The following SLC8A1 variants were observed in gnomAD, a reference collection of about 807,000 sequenced individuals.
SLC8A1 encodes the protein sodium/calcium exchanger 1.
SLC8A1 carries 18 observed loss-of-function variants against 68.3 expected under a neutral mutation model. The ratio of observed to expected loss-of-function variants is 0.26; its 90% CI spans 0.18 to 0.39. The LOEUF (loss-of-function observed/expected upper bound fraction) is 0.39, where lower values mean the gene tolerates loss of function less well. Ranked by LOEUF, SLC8A1 falls within the 10% of genes least tolerant of loss-of-function variation. The probability of loss-of-function intolerance (pLI) is 1.00; values close to 1 mark genes in which losing one functional copy is unlikely to be tolerated. For missense variants in SLC8A1, 985 were observed against 1,156.7 expected, an observed-to-expected ratio of 0.85 and a Z score of 2.15; for synonymous variants, 475 against 415.5, an observed-to-expected ratio of 1.14 and a Z score of -1.74.
chr2:40,232,988 C>G (rs969585404), intron 2 of SLC8A1, among the ~76,000 whole-genome samples: 14 of 151,764 alleles, frequency 9.2e-5, no homozygotes, highest in African/African-American at 2.7e-4. Flanking sequence ...TTTCTTAATC[C>G]AGTCTATCAT....
chr2:40,395,210 T>C (rs1686532491), intron 2 of SLC8A1, among the ~76,000 whole-genome samples: 1 of 152,074 alleles, frequency 6.6e-6, no homozygotes, highest in East Asian at 1.9e-4. Context: ...AGTAGAGAAA[T>C]CCTACTGAAG....
At chr2:40,358,195 A>G (rs1032239205) in intron 2 of SLC8A1, among the ~76,000 whole-genome samples, 1 of 152,048 alleles carries the variant, frequency 6.6e-6, no homozygotes, top group Non-Finnish European at 1.5e-5. Flanking sequence ...TTCAAGAAAA[A>G]AATTCAGTAG....
intron 2 of SLC8A1, chr2:40,251,192 A>G (rs958652960): frequency 1.3e-5 from 2 of 152,162 alleles, no homozygotes; most frequent in Admixed American, 1.3e-4. Context: ...AAATCAATAG[A>G]AATAATTCAG....
chr2:40,241,955 A>G (rs10180584), intron 2 of SLC8A1, among the ~76,000 whole-genome samples: 90,005 of 151,982 alleles, frequency 0.59, 29,810 homozygotes, highest in Non-Finnish European at 0.76. Flanking sequence ...TTAATTATTC[A>G]TAATTCCTAA....
intron 6 of SLC8A1, among the ~76,000 whole-genome samples, chr2:40,141,655 C>A (rs1230914149): frequency 6.6e-6 from 1 of 152,146 alleles, no homozygotes; most frequent in Non-Finnish European, 1.5e-5. Flanking sequence ...GCAGAAGATA[C>A]TTTTTAATAA....
intron 2 of SLC8A1, among the ~76,000 whole-genome samples, chr2:40,369,322 G>A (rs983830803): frequency 6.6e-6 from 1 of 152,042 alleles, no homozygotes; most frequent in Non-Finnish European, 1.5e-5. Flanking sequence ...GTCATCATCT[G>A]AGCTGGTTGT....
At chr2:40,261,355 A>G (rs2064675448) in intron 2 of SLC8A1, among the ~76,000 whole-genome samples, 2 of 152,164 alleles carry the variant, frequency 1.3e-5, no homozygotes, top group East Asian at 3.9e-4. Flanking sequence ...TTATTTTTCC[A>G]TCTTGGCTAA....
At chr2:40,227,070 T>C (rs1574349372) in intron 2 of SLC8A1, among the ~76,000 whole-genome samples, 1 of 152,150 alleles carries the variant, frequency 6.6e-6, no homozygotes, top group African/African-American at 2.4e-5. Flanking sequence ...AGACCCTCTT[T>C]CCCCAGGGGA....
rs568693789 is a variant in SLC8A1 at position 40,240,276 on chromosome 2, C to G, written c.1809-62421G>C. Among the ~76,000 whole-genome samples the G allele has an allele frequency of 4.6e-5, 7 of 152,298 alleles. No individual in the cohort carries two copies. In the East Asian group the frequency reaches 1.4e-3, roughly 29 times the overall value. On this transcript the variant is annotated intron_variant, in intron 2 of 7. Transcript: ENST00000406785. ...GCAGGCTCTGTGCCAAGTCAAGTCTCCGACGGAGCGGAGGACTCCCCAGGC... is the reference window on the plus strand; with the variant it reads ...GCAGGCTCTGTGCCAAGTCAAGTCTGCGACGGAGCGGAGGACTCCCCAGGC...
At chr2:40,470,468 T>C (rs2149902010) in intron 1 of SLC8A1, among the ~76,000 whole-genome samples, 1 of 152,112 alleles carries the variant, frequency 6.6e-6, no homozygotes, top group Middle Eastern at 3.4e-3. Context: ...TAAGACATTA[T>C]TATAACCATG....
chr2:40,503,413 A>G (rs953548968), intron 1 of SLC8A1, among the ~76,000 whole-genome samples: 11 of 151,986 alleles, frequency 7.2e-5, no homozygotes, highest in Admixed American at 5.3e-4. Flanking sequence ...ACACAATTAC[A>G]CTGGTGTACT....
At chr2:40,363,982 C>CT (rs1675311578) in intron 2 of SLC8A1, among the ~76,000 whole-genome samples, 2 of 151,808 alleles carry the variant, frequency 1.3e-5, no homozygotes, top group South Asian at 4.2e-4. Flanking sequence ...TGTAAGTAGT[C>CT]TAAAAAAAGG....
chr2:40,312,945 AATAC>A (rs1326362360), intron 2 of SLC8A1, among the ~76,000 whole-genome samples: 1 of 152,088 alleles, frequency 6.6e-6, no homozygotes, highest in Non-Finnish European at 1.5e-5. Flanking sequence ...TGGGTTTTGA[AATAC>A]ATACACACAT....
intron 2 of SLC8A1, among the ~76,000 whole-genome samples, chr2:40,187,068 T>C (rs2050830142): frequency 6.6e-6 from 1 of 152,102 alleles, no homozygotes; most frequent in Non-Finnish European, 1.5e-5. Flanking sequence ...GATGGTAGAG[T>C]TGTGGGTCAG....
intron 6 of SLC8A1, among the ~76,000 whole-genome samples, chr2:40,156,040 A>C (rs1358429937): frequency 6.6e-6 from 1 of 152,166 alleles, no homozygotes; most frequent in East Asian, 1.9e-4. Context: ...CTCTCCTCTA[A>C]TCCCCTTCCT....
chr2:40,151,074 T>A (rs992083804), intron 6 of SLC8A1, among the ~76,000 whole-genome samples: 1 of 152,320 alleles, frequency 6.6e-6, no homozygotes, highest in East Asian at 1.9e-4. Flanking sequence ...AGTGAAATTT[T>A]ACTAAGAATA....
chr2:40,127,113 C>G (rs1264343043), intron 7 of SLC8A1, among the ~76,000 whole-genome samples: 9 of 152,136 alleles, frequency 5.9e-5, no homozygotes, highest in African/African-American at 2.2e-4. Flanking sequence ...TTCAGAGACT[C>G]AGTTTGGGCT....
At chr2:40,419,926 C>T (rs1341662510) in intron 2 of SLC8A1, among the ~76,000 whole-genome samples, 1 of 151,992 alleles carries the variant, frequency 6.6e-6, no homozygotes, top group African/African-American at 2.4e-5. Flanking sequence ...CAATAATTTG[C>T]CGGCAAAAGG....
Position 40,309,746 on chromosome 2 carries a change from C to T in SLC8A1, c.1808+118727G>A, listed in dbSNP as rs567780857. Reference sequence around the variant, plus strand: ...GTCTCAAACTCCTGACCTCATGATCCGCCCGCCTTGGCCTCCCAAAGTGCT... The same window carrying T: ...GTCTCAAACTCCTGACCTCATGATCTGCCCGCCTTGGCCTCCCAAAGTGCT... On this transcript the variant is annotated intron_variant, in intron 2 of 7. Coordinates refer to ENST00000406785, the Ensembl canonical transcript of SLC8A1. 4.6e-5 allele frequency among the ~76,000 whole-genome samples: 7 copies of T among 152,140 alleles called. No individual in the cohort carries two copies. In the East Asian group the frequency reaches 9.7e-4, roughly 21 times the overall value.
Sources: gnomAD v4.1 joint callset for allele counts (sites outside exome capture counted in the v4.1 genomes callset) on GRCh38, gnomAD v4.1.1 for gene constraint, MANE v1.5 for transcripts, NCBI Gene and HGNC (gene_info 2026-07-23, HGNC 2026-07-21) for gene names.